TSPAN5: variants seen among roughly 807,000 people sequenced by gnomAD.
TSPAN5 encodes tetraspanin 5.
A neutral mutation model predicts 37.1 loss-of-function variants in TSPAN5; 10 were observed. That is an observed-to-expected ratio of 0.27 (90% confidence interval 0.17 to 0.46). The LOEUF is 0.46. Among genes scored for constraint, TSPAN5 ranks in the 20% least tolerant of loss-of-function variants. The probability of loss-of-function intolerance (pLI) is 1.00; values close to 1 mark genes in which losing one functional copy is unlikely to be tolerated. For synonymous variants in TSPAN5, 110 were observed against 118.9 expected, an observed-to-expected ratio of 0.93 and a Z score of 0.48; for missense variants, 195 against 326.6, an observed-to-expected ratio of 0.60 and a Z score of 3.11.
At chr4:98,650,045 A>G (rs1757151858) in intron 1 of TSPAN5, among the ~76,000 whole-genome samples, 1 of 152,102 alleles carries the variant, frequency 6.6e-6, no homozygotes, top group Non-Finnish European at 1.5e-5. Flanking sequence ...TGTTTGGAAG[A>G]CTCTTTGAGA....
intron 1 of TSPAN5, among the ~76,000 whole-genome samples, chr4:98,559,523 T>G (rs1162391522): frequency 6.6e-6 from 1 of 152,182 alleles, no homozygotes; most frequent in African/African-American, 2.4e-5. Flanking sequence ...ACATACACAC[T>G]CTATTTTCTT....
chr4:98,499,642 G>C (rs10002874), intron 2 of TSPAN5, among the ~76,000 whole-genome samples: 4,066 of 145,100 alleles, frequency 0.028, 171 homozygotes, highest in African/African-American at 0.099. Flanking sequence ...ACCATGAGCT[G>C]TTTGGTTTCC....
chr4:98,599,493 TAA>T (rs1755835089), intron 1 of TSPAN5, among the ~76,000 whole-genome samples: 1 of 152,206 alleles, frequency 6.6e-6, no homozygotes, highest in Non-Finnish European at 1.5e-5. Context: ...GCATTACCAT[TAA>T]GTGTGTTTTG....
At chr4:98,602,537 C>T (rs1222398649) in intron 1 of TSPAN5, among the ~76,000 whole-genome samples, 2 of 152,196 alleles carry the variant, frequency 1.3e-5, no homozygotes, top group African/African-American at 2.4e-5. Context: ...TCCCTCTTCT[C>T]CACAGATGCC....
chr4:98,637,525 A>C (rs1316696568), intron 1 of TSPAN5, among the ~76,000 whole-genome samples: 1 of 152,200 alleles, frequency 6.6e-6, no homozygotes, highest in Admixed American at 6.5e-5. Flanking sequence ...AAACAACAGG[A>C]GTGGTGTTTC....
chr4:98,561,108 T>A (rs7691924), intron 1 of TSPAN5, among the ~76,000 whole-genome samples: 6,920 of 152,340 alleles, frequency 0.045, 390 homozygotes, highest in Admixed American at 0.12. Context: ...ACCAATGGAC[T>A]GTGAGAGAAG....
At chr4:98,626,557 C>T (rs1241200325) in intron 1 of TSPAN5, among the ~76,000 whole-genome samples, 1 of 152,022 alleles carries the variant, frequency 6.6e-6, no homozygotes. Flanking sequence ...CTGCTTGGCT[C>T]CAGCCACCAG....
intron 1 of TSPAN5, among the ~76,000 whole-genome samples, chr4:98,587,658 G>A (rs902974150): frequency 3.3e-5 from 5 of 152,280 alleles, no homozygotes; most frequent in Non-Finnish European, 4.4e-5. Context: ...AGGAGGCTGA[G>A]GCGGGCAGAT....
chr4:98,472,382 C>A lies in TSPAN5; in HGVS notation c.*140G>T. ...GAGCAGCATTTCCCAGTTTTACACTCCCCTAATGGCAGCTCCATTAGGCGA... is the reference window on the plus strand; with the variant it reads ...GAGCAGCATTTCCCAGTTTTACACTACCCTAATGGCAGCTCCATTAGGCGA... On this transcript the variant is annotated 3_prime_UTR_variant, in exon 8 of 8. Coordinates refer to ENST00000305798, the MANE Select transcript of TSPAN5 (RefSeq NM_005723.4). 1.6e-6 allele frequency: 1 copy of A among 612,436 alleles called. No individual in the cohort carries two copies. The highest frequency in any genetic ancestry group is 3.1e-5 in the Admixed American group (1 of 32,370). 37.9% of individuals were successfully genotyped at this position (612,436 alleles called of 1,614,324 possible). A position where few individuals can be genotyped will look rare whatever the true frequency, so the allele number is the denominator to read the frequency against.
intron 1 of TSPAN5, among the ~76,000 whole-genome samples, chr4:98,656,565 C>T (rs116027111): frequency 0.012 from 1,828 of 152,322 alleles, 37 homozygotes; most frequent in African/African-American, 0.041. Context: ...ATAATTCCTT[C>T]TTCCTGTACT....
chr4:98,617,940 C>A (rs959505402), intron 1 of TSPAN5, among the ~76,000 whole-genome samples: 1 of 152,238 alleles, frequency 6.6e-6, no homozygotes, highest in Admixed American at 6.5e-5. Context: ...ACCATCTGTT[C>A]TAGAATTCTC....
chr4:98,590,432 C>G (rs1252480294), intron 1 of TSPAN5, among the ~76,000 whole-genome samples: 4 of 152,138 alleles, frequency 2.6e-5, no homozygotes, highest in Non-Finnish European at 5.9e-5. Flanking sequence ...ATGAATTGGC[C>G]AGGCGTGGTT....
At position 98,478,750 on chromosome 4, in the gene TSPAN5, T is replaced by G; in HGVS notation, c.511A>C (p.Thr171Pro). The G allele has an allele frequency of 6.2e-7, 1 of 1,614,080 alleles. No homozygotes were observed. Among genetic ancestry groups the G allele is most frequent in the Non-Finnish European group, 8.5e-7 (1 of 1,180,028 alleles). The change falls in exon 5 of 8, where the codon ACA (threonine) becomes CCA (proline). Residue 171 changes from threonine to proline, a missense_variant. Transcript: ENST00000305798. ...DWNLNIYFNC[T>P]DSNASRERCG... ...CGCTCTCGACTTGCATTGGAATCTG[T>G]GCAATTGAAGTAAATATTTAGGTTC...
Position 98,470,659 on chromosome 4 carries a change from GAAGT to G in TSPAN5, c.*1859_*1862del, listed in dbSNP as rs1752561700. 1 of 152,250 alleles carries G rather than the reference GAAGT, an allele frequency of 6.6e-6. No individual in the cohort carries two copies. The highest frequency in any genetic ancestry group is 1.5e-5 in the Non-Finnish European group (1 of 68,056). The allele number at this position is 152,250 out of a possible 1,614,324, so 9.4% of individuals were successfully genotyped here. A position where few individuals can be genotyped will look rare whatever the true frequency, so the allele number is the denominator to read the frequency against. The stretch of plus-strand genomic sequence containing the variant: ...TGGCAACTGTGGTGGGGGCAGAGAT[GAAGT>G]AAGACAACCTTACAGTCGGAGTAAG... On this transcript the variant is annotated 3_prime_UTR_variant, in exon 8 of 8. Transcript: ENST00000305798.
At chr4:98,489,687 C>G (rs1753045234) in intron 2 of TSPAN5, among the ~76,000 whole-genome samples, 1 of 152,222 alleles carries the variant, frequency 6.6e-6, no homozygotes, top group African/African-American at 2.4e-5. Flanking sequence ...CCCACTGCCA[C>G]TCCTAATCGG....
chr4:98,540,875 C>T (rs527998662), intron 1 of TSPAN5, among the ~76,000 whole-genome samples: 1 of 152,254 alleles, frequency 6.6e-6, no homozygotes, highest in African/African-American at 2.4e-5. Context: ...CAGAAGGATA[C>T]ACATTTAAAT....
chr4:98,617,320 G>A (rs1235463552), intron 1 of TSPAN5, among the ~76,000 whole-genome samples: 1 of 152,122 alleles, frequency 6.6e-6, no homozygotes, highest in Non-Finnish European at 1.5e-5. Flanking sequence ...AAGAAAGCTA[G>A]GCACAGAGAG....
chr4:98,478,604 C>T, intron 5 of TSPAN5, 81 bp downstream of exon 5: 1 of 1,587,182 alleles, frequency 6.3e-7, no homozygotes, highest in Non-Finnish European at 8.6e-7. Context: ...AGGGTTCAAC[C>T]AAAAAATCAC....
chr4:98,555,330 G>A (rs989366990), intron 1 of TSPAN5, among the ~76,000 whole-genome samples: 7 of 152,062 alleles, frequency 4.6e-5, no homozygotes, highest in African/African-American at 1.2e-4. Context: ...AATTTTTGAC[G>A]TCAATCATCC....
Sources: gnomAD v4.1 joint callset for allele counts (sites outside exome capture counted in the v4.1 genomes callset) on GRCh38, gnomAD v4.1.1 for gene constraint, MANE v1.5 for transcripts, NCBI Gene and HGNC (gene_info 2026-07-23, HGNC 2026-07-21) for gene names.